MAN1A1: variants seen among roughly 807,000 people sequenced by gnomAD.
The protein encoded by MAN1A1 is mannosyl-oligosaccharide 1,2-alpha-mannosidase IA.
MAN1A1 carries 29 observed loss-of-function variants against 70.8 expected under a neutral mutation model. That is an observed-to-expected ratio of 0.41 (90% CI 0.31 to 0.56). MAN1A1 has a LOEUF of 0.56. Ranked by LOEUF, MAN1A1 falls within the 20% of genes least tolerant of loss-of-function variation. The pLI is 0.29. For synonymous variants in MAN1A1, 349 were observed against 330.1 expected (o/e 1.06, Z -0.62); for missense variants, 747 against 841.3 (o/e 0.89, Z 1.39).
chr6:119,285,654 C>A (rs181150320), intron 5 of MAN1A1, among the ~76,000 whole-genome samples: 2 of 139,744 alleles, frequency 1.4e-5, no homozygotes, highest in Admixed American at 1.5e-4. Context: ...TCTCTACTTT[C>A]TGGATTTAAA....
At chr6:119,307,627 T>A (rs1299842499) in intron 2 of MAN1A1, among the ~76,000 whole-genome samples, 1 of 152,186 alleles carries the variant, frequency 6.6e-6, no homozygotes, top group Non-Finnish European at 1.5e-5. Context: ...TGATCCAGTA[T>A]ATTCCTAATT....
intron 2 of MAN1A1, among the ~76,000 whole-genome samples, chr6:119,342,953 G>A (rs1475923935): frequency 6.6e-6 from 1 of 151,916 alleles, no homozygotes; most frequent in Non-Finnish European, 1.5e-5. Context: ...CATAAAGAAT[G>A]TTTAACTGAA....
chr6:119,276,253 T>C (rs572195125), intron 5 of MAN1A1, among the ~76,000 whole-genome samples: 66 of 152,340 alleles, frequency 4.3e-4, no homozygotes, highest in Non-Finnish European at 7.9e-4. Flanking sequence ...CATGGTTATA[T>C]TGTATTTTCT....
At chr6:119,302,284 G>T (rs2114441700) in intron 3 of MAN1A1, among the ~76,000 whole-genome samples, 181 bp from the exon 4 acceptor site, 2 of 152,068 alleles carry the variant, frequency 1.3e-5, no homozygotes, top group Admixed American at 1.3e-4. Context: ...ATTATCACGG[G>T]CTATCGACTG....
intron 2 of MAN1A1, among the ~76,000 whole-genome samples, chr6:119,310,595 A>C (rs994873612): frequency 1.3e-5 from 2 of 152,196 alleles, no homozygotes; most frequent in Admixed American, 6.5e-5. Context: ...AGTCAACCCA[A>C]CCATCCACTC....
chr6:119,300,278 C>T (rs999956873), intron 4 of MAN1A1, among the ~76,000 whole-genome samples: 2 of 149,104 alleles, frequency 1.3e-5, no homozygotes, highest in Non-Finnish European at 1.5e-5. Flanking sequence ...TTTTTTGAGA[C>T]GGCGTCTTGC....
chr6:119,272,603 C>A (rs376891334), intron 5 of MAN1A1, among the ~76,000 whole-genome samples: 2 of 151,976 alleles, frequency 1.3e-5, no homozygotes, highest in Admixed American at 1.3e-4. Context: ...ATTAATAGAG[C>A]GTATACACTT....
In MAN1A1 at chr6:119,237,581, C is replaced by G. The variant is rs146027735; in HGVS notation, c.992+10679G>C. On this transcript the variant is annotated intron_variant, in intron 6 of 12. Transcript: ENST00000368468. ...CTCCCTCTCCCTCTCTGGCTAAGGT[C>G]TAAATCAAACATAGTGTGGATGGCC... is the stretch of plus-strand genomic sequence containing the variant. 3.4e-3 allele frequency among the ~76,000 whole-genome samples: 518 copies of G among 152,200 alleles called. 3 individuals are homozygous for G. Among genetic ancestry groups the G allele is most frequent in the Non-Finnish European group, 5.8e-3 (396 of 68,010 alleles).
chr6:119,194,474 T>C (rs1040021028), intron 8 of MAN1A1, among the ~76,000 whole-genome samples: 3 of 151,914 alleles, frequency 2.0e-5, no homozygotes, highest in African/African-American at 7.3e-5. Context: ...CAGGCACGCA[T>C]CACCACGCCA....
chr6:119,188,633 CAAT>C lies in MAN1A1; in HGVS notation c.1547-59_1547-57del, dbSNP rs1228647588. ...TATTTTCCTGGACAGTGCTTACAGT[CAAT>C]AACTTAAATGAAACTAGAAAGTACA... On this transcript the variant is annotated intron_variant, in intron 10 of 12. Transcript: ENST00000368468. 14 of 1,471,248 alleles carry C rather than the reference CAAT, an allele frequency of 9.5e-6. No individual in the cohort carries two copies. In the East Asian group the frequency reaches 3.2e-4, roughly 34 times the overall value. 91.1% of individuals were successfully genotyped at this position (1,471,248 alleles called of 1,614,324 possible). A position where few individuals can be genotyped will look rare whatever the true frequency, so the allele number is the denominator to read the frequency against.
Position 119,211,103 on chromosome 6 carries a change from A to G in MAN1A1, c.993-6221T>C, listed in dbSNP as rs186217816. Among the ~76,000 whole-genome samples the G allele has an allele frequency of 1.2e-4, 18 of 152,376 alleles. No individual in the cohort carries two copies. The East Asian group carries it at 2.7e-3, about 23-fold the overall frequency. ...AAGTTAGTTTGCCAAACATCTCTTA[A>G]AATTTCCCCTTACTTTGATTTTAGA... On this transcript the variant is annotated intron_variant, in intron 6 of 12. Coordinates refer to ENST00000368468, the MANE Select transcript of MAN1A1 (RefSeq NM_005907.4).
intron 2 of MAN1A1, among the ~76,000 whole-genome samples, chr6:119,311,340 C>G (rs1562237238): frequency 6.6e-6 from 1 of 152,164 alleles, no homozygotes; most frequent in Non-Finnish European, 1.5e-5. Flanking sequence ...ACATTGTACA[C>G]AAGCTCTTTA....
At chr6:119,273,641 T>C (rs891784261) in intron 5 of MAN1A1, among the ~76,000 whole-genome samples, 1 of 152,212 alleles carries the variant, frequency 6.6e-6, no homozygotes, top group Non-Finnish European at 1.5e-5. Context: ...TAAGAGTAAC[T>C]GGAGCTAAAA....
chr6:119,201,803 G>A (rs1448010766), intron 7 of MAN1A1, among the ~76,000 whole-genome samples: 1 of 152,154 alleles, frequency 6.6e-6, no homozygotes, highest in African/African-American at 2.4e-5. Context: ...TGAAGTATTT[G>A]TGTATCTAAA....
At position 119,344,601 on chromosome 6, in the gene MAN1A1, T is replaced by A. The variant is rs181127381; in HGVS notation, c.603+3862A>T. ...GGTCAGGTCTCCAAATCATGGCTTT[T>A]ATTATTTTGTAAATATTATTTTCCA... On this transcript the variant is annotated intron_variant, in intron 2 of 12. Coordinates refer to ENST00000368468, the MANE Select transcript of MAN1A1 (RefSeq NM_005907.4). 1.8e-4 allele frequency among the ~76,000 whole-genome samples: 28 copies of A among 152,324 alleles called. No homozygotes were observed. In the East Asian group the frequency reaches 2.5e-3, roughly 14 times the overall value.
At chr6:119,275,702 A>G (rs1776042648) in intron 5 of MAN1A1, among the ~76,000 whole-genome samples, 1 of 152,124 alleles carries the variant, frequency 6.6e-6, no homozygotes, top group South Asian at 2.1e-4. Flanking sequence ...TTGGCCTCCC[A>G]AAGTGCTGGG....
At chr6:119,334,725 C>T (rs911639624) in intron 2 of MAN1A1, among the ~76,000 whole-genome samples, 4 of 152,180 alleles carry the variant, frequency 2.6e-5, no homozygotes, top group Non-Finnish European at 4.4e-5. Flanking sequence ...TAATAATCAA[C>T]GGATATTATC....
At chr6:119,190,161 C>T (rs1773404158) in intron 9 of MAN1A1, among the ~76,000 whole-genome samples, 1 of 152,210 alleles carries the variant, frequency 6.6e-6, no homozygotes, top group African/African-American at 2.4e-5. Context: ...ATTCAAAAAA[C>T]TTTCTCCTTC....
At chr6:119,248,204 G>C (rs1775219853) in intron 6 of MAN1A1, 56 bp downstream of exon 6, 1 of 1,166,232 alleles carries the variant, frequency 8.6e-7, no homozygotes, top group Non-Finnish European at 1.3e-6. Flanking sequence ...TACTTATTAG[G>C]CAACAATCTG....
Sources: gnomAD v4.1 joint callset for allele counts (sites outside exome capture counted in the v4.1 genomes callset) on GRCh38, gnomAD v4.1.1 for gene constraint, MANE v1.5 for transcripts, NCBI Gene and HGNC (gene_info 2026-07-23, HGNC 2026-07-21) for gene names.